The following RTTN variants were observed in gnomAD, a reference collection of about 807,000 sequenced individuals.
RTTN encodes rotatin.
RTTN carries 182 observed loss-of-function variants against 269.2 expected under a neutral mutation model. That is an observed-to-expected ratio of 0.68 (90% CI 0.60 to 0.76). RTTN has a LOEUF of 0.76. Among genes scored for constraint, RTTN ranks in the 30% least tolerant of loss-of-function variants. The pLI, the probability that RTTN is intolerant of heterozygous loss-of-function variation, is 0.00. For missense variants in RTTN, 2,545 were observed against 2,608.6 expected, an observed-to-expected ratio of 0.98 and a Z score of 0.53; for synonymous variants, 1,006 against 963.5, an observed-to-expected ratio of 1.04 and a Z score of -0.82.
chr18:70,108,967 T>C (rs568223791), intron 28 of RTTN, among the ~76,000 whole-genome samples: 1 of 152,102 alleles, frequency 6.6e-6, no homozygotes, highest in Non-Finnish European at 1.5e-5. Flanking sequence ...CATATAAAAA[T>C]TGGCTATATT....
At chr18:70,126,178 C>T (rs115381061) in intron 25 of RTTN, among the ~76,000 whole-genome samples, 17 of 152,190 alleles carry the variant, frequency 1.1e-4, no homozygotes, top group African/African-American at 3.4e-4. Flanking sequence ...TAAAGGCTTC[C>T]ACTGACCCAC....
At chr18:70,155,264 T>C (rs191839704) in intron 14 of RTTN, among the ~76,000 whole-genome samples, 50 of 152,032 alleles carry the variant, frequency 3.3e-4, no homozygotes, top group African/African-American at 1.2e-3. Flanking sequence ...CAGAAACAAA[T>C]ATACAACCAC....
At chr18:70,106,474 G>GA (rs2059324500) in intron 28 of RTTN, among the ~76,000 whole-genome samples, 1 of 152,194 alleles carries the variant, frequency 6.6e-6, no homozygotes, top group South Asian at 2.1e-4. Context: ...GGAAGAATAA[G>GA]AAAAGGTTTA....
chr18:70,094,476 A>G (rs1394234081), intron 28 of RTTN, among the ~76,000 whole-genome samples: 3 of 152,128 alleles, frequency 2.0e-5, no homozygotes, highest in South Asian at 4.1e-4. Flanking sequence ...AGATTCTGGT[A>G]TATTGTGTCT....
chr18:70,187,092 T>C (rs908544254), intron 10 of RTTN, among the ~76,000 whole-genome samples: 3 of 152,196 alleles, frequency 2.0e-5, no homozygotes, highest in Non-Finnish European at 4.4e-5. Flanking sequence ...TGAAATAGCA[T>C]AAGCCCATTA....
chr18:70,121,583 G>A lies in RTTN; in HGVS notation c.3501C>T (p.Asn1167=), dbSNP rs1253934103. 2 of 1,574,328 alleles carry A rather than the reference G, an allele frequency of 1.3e-6. No homozygotes were observed. The highest frequency in any genetic ancestry group is 2.3e-4 in the Middle Eastern group (1 of 4,354). The change falls in exon 26 of 49, where the codon AAC becomes AAT. Residue 1167 remains asparagine, a synonymous_variant. Transcript: ENST00000640769. ...GTCTAAGAAGTAATTCGAGAATCCA[G>A]TTTAGAAGTTCTAGTGAAGAATTTT... The part of the protein sequence containing the change: ...QRKNSSLELL[N]WILELLLRHS...
chr18:70,059,327 GATTA>G (rs2144887812), intron 36 of RTTN, among the ~76,000 whole-genome samples: 1 of 152,216 alleles, frequency 6.6e-6, no homozygotes, highest in East Asian at 1.9e-4. Flanking sequence ...GTTACAGACT[GATTA>G]ATATCAAATA....
intron 9 of RTTN, 66 bp from the exon 10 acceptor site, chr18:70,188,289 T>A: frequency 1.2e-6 from 1 of 807,606 alleles, no homozygotes; most frequent in Non-Finnish European, 2.1e-6. Flanking sequence ...ATCAGCTGAA[T>A]ATCATATTGC....
intron 39 of RTTN, among the ~76,000 whole-genome samples, chr18:70,051,019 G>A (rs1303217583): frequency 1.3e-5 from 2 of 152,054 alleles, no homozygotes; most frequent in Non-Finnish European, 2.9e-5. Flanking sequence ...AACCACCATG[G>A]CACATGTATT....
intron 25 of RTTN, 74 bp downstream of exon 25, chr18:70,127,428 T>G: frequency 6.5e-7 from 1 of 1,530,668 alleles, no homozygotes; most frequent in African/African-American, 1.4e-5. Context: ...ACTCTTATCT[T>G]CAAAGGTTAG....
At chr18:70,098,640 GTTTA>G (rs780838356) in intron 28 of RTTN, among the ~76,000 whole-genome samples, 139 of 152,124 alleles carry the variant, frequency 9.1e-4, no homozygotes, top group Non-Finnish European at 1.7e-3. Context: ...AAAAAATGAA[GTTTA>G]TTTTATTTTT....
chr18:70,128,389 T>C lies in RTTN; in HGVS notation c.3112A>G (p.Lys1038Glu). The C allele has an allele frequency of 1.2e-6, 2 of 1,612,906 alleles. No individual in the cohort carries two copies. Among genetic ancestry groups the C allele is most frequent in the East Asian group, 2.2e-5 (1 of 44,834 alleles). ...GTTTTAGTTTCAGAGTTCATTTGCT[T>C]CAACAGATTATCACTCCCATGATAC... ...SWYHGSDNLL[K>E]QMNSETKTQE... is the part of the protein sequence containing the mutation. Residue 1038 changes from lysine (K) to glutamate (E), a missense_variant, in exon 24 of 49, where the codon AAG becomes GAG. Lys to Glu is a moderately conservative substitution (Grantham distance 56, BLOSUM62 1). Coordinates refer to ENST00000640769, the MANE Select transcript of RTTN (RefSeq NM_173630.4).
chr18:70,011,988 G>GGGCAGCGTCTGCTCACTGGTATTGGTTAC (rs2056391292), intron 46 of RTTN, among the ~76,000 whole-genome samples: 2 of 145,944 alleles, frequency 1.4e-5, no homozygotes, highest in Admixed American at 6.9e-5. Flanking sequence ...GTATTGGTTA[G>GGGCAGCGTCTGCTCACTGGTATTGGTTAC]AGGGCAGCGT....
chr18:70,061,167 T>A (rs1406843070), intron 35 of RTTN: 1 of 284,570 alleles, frequency 3.5e-6, no homozygotes, highest in Non-Finnish European at 7.0e-6. Flanking sequence ...TTGAGGAACC[T>A]GCATACTGTT....
At chr18:70,097,002 GA>G (rs2059021118) in intron 28 of RTTN, among the ~76,000 whole-genome samples, 1 of 152,092 alleles carries the variant, frequency 6.6e-6, no homozygotes, top group Non-Finnish European at 1.5e-5. Context: ...GTCATCTTTG[GA>G]GATATCTAAC....
intron 19 of RTTN, 109 bp downstream of exon 19, chr18:70,142,179 G>A: frequency 1.5e-6 from 1 of 680,506 alleles, no homozygotes; most frequent in South Asian, 1.9e-5. Flanking sequence ...AAAGGCCACA[G>A]GCTGGATCTG....
chr18:70,133,423 C>T (rs2060046226), intron 23 of RTTN, among the ~76,000 whole-genome samples: 1 of 152,066 alleles, frequency 6.6e-6, no homozygotes, highest in Non-Finnish European at 1.5e-5. Context: ...AACAATGACA[C>T]GTGTTCAAGA....
At chr18:70,196,177 A>G (rs1280507004) in intron 7 of RTTN, among the ~76,000 whole-genome samples, 4 of 152,218 alleles carry the variant, frequency 2.6e-5, no homozygotes, top group Non-Finnish European at 5.9e-5. Flanking sequence ...TAAATTGTCC[A>G]AAGTCCTACA....
intron 45 of RTTN, 78 bp downstream of exon 45, chr18:70,020,537 T>A: frequency 1.6e-6 from 2 of 1,269,132 alleles, no homozygotes; most frequent in Non-Finnish European, 2.2e-6. Context: ...ATCTTAGAAA[T>A]TGAGTTGTAA....
Sources: allele counts gnomAD v4.1 joint callset (sites outside exome capture counted in the v4.1 genomes callset), GRCh38; gene constraint gnomAD v4.1.1; transcripts MANE v1.5; gene names NCBI Gene and HGNC (gene_info 2026-07-23, HGNC 2026-07-21).